Variants in LVRN observed in about 807,000 individuals in gnomAD.
LVRN encodes laeverin.
LVRN carries 99 observed loss-of-function variants against 111.4 expected under a neutral mutation model. The ratio of observed to expected loss-of-function variants is 0.89; its 90% CI spans 0.76 to 1.05. LVRN has a LOEUF of 1.05. LVRN is among the 50% of genes least tolerant of loss of function. The pLI, the probability that LVRN is intolerant of heterozygous loss-of-function variation, is 0.00. For missense variants in LVRN, 1,414 were observed against 1,206.8 expected (o/e 1.17, Z -2.54); for synonymous variants, 488 against 449.5 (o/e 1.09, Z -1.08).
At chr5:115,993,534 A>C (rs951650313) in intron 5 of LVRN, among the ~76,000 whole-genome samples, 1 of 152,216 alleles carries the variant, frequency 6.6e-6, no homozygotes, top group African/African-American at 2.4e-5. Flanking sequence ...TGAACATGGA[A>C]TATTTCTGAG....
chr5:116,019,131 C>G (rs778206572), intron 18 of LVRN, among the ~76,000 whole-genome samples: 1 of 152,138 alleles, frequency 6.6e-6, no homozygotes, highest in Non-Finnish European at 1.5e-5. Context: ...GTCTATTGCT[C>G]CTAGGTTACA....
chr5:115,996,471 C>T (rs13359771), intron 6 of LVRN, among the ~76,000 whole-genome samples: 1 of 152,106 alleles, frequency 6.6e-6, no homozygotes. Flanking sequence ...GACATTGCCA[C>T]GTTCTTTGTT....
At chr5:115,999,974 C>G (rs894116066) in intron 7 of LVRN, 72 bp downstream of exon 7, 1 of 1,456,724 alleles carries the variant, frequency 6.9e-7, no homozygotes, top group Non-Finnish European at 9.3e-7. Flanking sequence ...TTCTAAGGGT[C>G]CTATATCATC....
chr5:115,963,993 A>G (rs1012045429), intron 1 of LVRN, among the ~76,000 whole-genome samples: 4 of 152,152 alleles, frequency 2.6e-5, no homozygotes, highest in Non-Finnish European at 5.9e-5. Context: ...AGCAGCTGTA[A>G]CCTGGGCGCT....
rs764208933 is a variant in LVRN at position 116,005,786 on chromosome 5, CAGATG to C, written c.2038-121_2038-117del. ...GTCCTCAGTAATTGTTGTTTCTCTG[CAGATG>C]AGATAAGTCACGTGAAGGTGCTTTA... On this transcript the variant is annotated intron_variant, in intron 12 of 19. Coordinates refer to ENST00000357872, the MANE Select transcript of LVRN (RefSeq NM_173800.5). 8.0e-6 allele frequency: 6 copies of C among 751,214 alleles called. No individual in the cohort carries two copies. The African/African-American group carries it at 8.6e-5, about 11-fold the overall frequency. 46.5% of individuals were successfully genotyped at this position (751,214 alleles called of 1,614,324 possible).
At chr5:115,994,016 T>A (rs1426032495) in intron 6 of LVRN, among the ~76,000 whole-genome samples, 162 bp downstream of exon 6, 1 of 151,098 alleles carries the variant, frequency 6.6e-6, no homozygotes, top group African/African-American at 2.4e-5. Flanking sequence ...TTTTTTTTAA[T>A]TCCAGGCTTT....
chr5:116,013,274 G>A (rs1011691107), intron 15 of LVRN, among the ~76,000 whole-genome samples: 8 of 152,154 alleles, frequency 5.3e-5, no homozygotes, highest in Admixed American at 1.3e-4. Flanking sequence ...TGATTAGAAG[G>A]ACATAAAATG....
chr5:115,984,451 C>T, intron 2 of LVRN, 119 bp from the exon 3 acceptor site: 1 of 1,257,476 alleles, frequency 8.0e-7, no homozygotes, highest in Non-Finnish European at 1.1e-6. Flanking sequence ...ATCTGAACTG[C>T]TAGACTATGA....
In LVRN at chr5:115,999,810, C is replaced by G; in HGVS notation, c.1423C>G (p.His475Asp). 1 of 1,613,206 alleles carries G rather than the reference C, an allele frequency of 6.2e-7. No homozygotes were observed. Among genetic ancestry groups the G allele is most frequent in the Non-Finnish European group, 8.5e-7 (1 of 1,179,362 alleles). The change falls in exon 7 of 20, where the codon CAC (histidine) becomes GAC (aspartate). Residue 475 changes from histidine (H) to aspartate (D), a missense_variant. Physicochemically the swap from His to Asp is moderately conservative, Grantham distance 81 (BLOSUM62 -1). Coordinates refer to ENST00000357872, the MANE Select transcript of LVRN (RefSeq NM_173800.5). ...NILHNILRED[H>D]ALVTRAVAMK... Reference sequence around the variant, plus strand: ...TTTACATAATATCCTCAGAGAAGATCACGCCCTGGTGACTAGAGCTGTGGC... The same window carrying G: ...TTTACATAATATCCTCAGAGAAGATGACGCCCTGGTGACTAGAGCTGTGGC...
intron 15 of LVRN, 26 bp from the exon 16 acceptor site, chr5:116,014,394 T>C: frequency 1.3e-6 from 2 of 1,553,390 alleles, no homozygotes; most frequent in Non-Finnish European, 1.8e-6. Flanking sequence ...CAAAATAAAC[T>C]GTTTTTCTTT....
chr5:115,974,541 T>A (rs1285964534), intron 1 of LVRN: 1 of 152,436 alleles, frequency 6.6e-6, no homozygotes, highest in East Asian at 1.9e-4. Context: ...TTCCTTGAAG[T>A]CTTCCCATTT....
intron 1 of LVRN, among the ~76,000 whole-genome samples, chr5:115,977,975 A>C (rs1023804042): frequency 1.1e-4 from 17 of 152,254 alleles, no homozygotes; most frequent in Admixed American, 7.2e-4. Context: ...GGAAAGTGTG[A>C]AATAGTTGGT....
At chr5:116,003,594 T>G (rs1748289138) in intron 12 of LVRN, among the ~76,000 whole-genome samples, 1 of 150,772 alleles carries the variant, frequency 6.6e-6, no homozygotes, top group South Asian at 2.1e-4. Flanking sequence ...TTTGTTTTTT[T>G]TTTTTGAGAC....
At position 116,021,488 on chromosome 5, in the gene LVRN, G is replaced by A. The variant is rs138175222; in HGVS notation, c.2757-903G>A. 5 of 212,290 alleles carry A rather than the reference G, an allele frequency of 2.4e-5. No individual in the cohort carries two copies. In the Admixed American group the frequency reaches 3.0e-4, roughly 13 times the overall value. 13.2% of individuals were successfully genotyped at this position (212,290 alleles called of 1,614,324 possible). A position where few individuals can be genotyped will look rare whatever the true frequency, so the allele number is the denominator to read the frequency against. ...TTATATTGTCCTTCACGTTGCTCAG[G>A]TAGACCCAGTGTAAGTTACAGCTAG... On this transcript the variant is annotated intron_variant, in intron 18 of 19. Coordinates refer to ENST00000357872, the MANE Select transcript of LVRN (RefSeq NM_173800.5).
At chr5:115,992,860 G>A (rs1015227806) in intron 5 of LVRN, among the ~76,000 whole-genome samples, 2 of 152,180 alleles carry the variant, frequency 1.3e-5, no homozygotes, top group Admixed American at 6.5e-5. Context: ...TTTCATATCT[G>A]CATTTCAGTG....
intron 1 of LVRN, among the ~76,000 whole-genome samples, chr5:115,969,952 G>T (rs371733099): frequency 6.6e-6 from 1 of 151,878 alleles, no homozygotes; most frequent in Non-Finnish European, 1.5e-5. Flanking sequence ...TCTCTGCTAA[G>T]TTTAGCATCT....
chr5:116,002,750 T>C (rs983017556), intron 10 of LVRN, 85 bp from the exon 11 acceptor site: 140 of 961,372 alleles, frequency 1.5e-4, no homozygotes, highest in Middle Eastern at 4.3e-4. Flanking sequence ...TTCTGTGTGC[T>C]ATTTCATCAT....
intron 17 of LVRN, 53 bp from the exon 18 acceptor site, chr5:116,015,575 A>G (rs1748586844): frequency 6.4e-6 from 10 of 1,552,128 alleles, no homozygotes; most frequent in Admixed American, 1.9e-5. Context: ...TATTTAAATT[A>G]ACTCTTTATG....
chr5:116,000,826 G>C (rs1561563708), intron 9 of LVRN, among the ~76,000 whole-genome samples, 168 bp downstream of exon 9: 1 of 152,116 alleles, frequency 6.6e-6, no homozygotes, highest in Non-Finnish European at 1.5e-5. Flanking sequence ...TATTCCCAGT[G>C]CCCAGAACAG....
Sources: gnomAD v4.1 joint callset for allele counts (sites outside exome capture counted in the v4.1 genomes callset) on GRCh38, gnomAD v4.1.1 for gene constraint, MANE v1.5 for transcripts, NCBI Gene and HGNC (gene_info 2026-07-23, HGNC 2026-07-21) for gene names.